ATF2: variants seen among roughly 807,000 people sequenced by gnomAD.
ATF2 encodes cyclic AMP-dependent transcription factor ATF-2.
Under a neutral mutation model 60.6 loss-of-function variants are expected in ATF2, and 24 were observed. The ratio of observed to expected loss-of-function variants is 0.40; its 90% confidence interval spans 0.29 to 0.56. The LOEUF is 0.56. ATF2 is among the 20% of genes least tolerant of loss of function. The pLI is 0.54. For missense variants in ATF2, 433 were observed against 607.7 expected, an observed-to-expected ratio of 0.71 and a Z score of 3.02; for synonymous variants, 206 against 215.4, an observed-to-expected ratio of 0.96 and a Z score of 0.38.
At position 175,074,085 on chromosome 2, in the gene ATF2, C is replaced by CTT. The variant is rs1312168899; in HGVS notation, c.*523_*524insAA. On this transcript the variant is annotated 3_prime_UTR_variant, in exon 14 of 14. Transcript: ENST00000264110. Reference sequence around the variant, plus strand: ...GTGTTCTTTAATGTTTTTCCTTTTGCATAATGTGCAAAATAAAAGGCAAAA... The same window carrying CTT: ...GTGTTCTTTAATGTTTTTCCTTTTGCTTATAATGTGCAAAATAAAAGGCAAAA... The CTT allele has an allele frequency of 6.6e-6, 1 of 152,290 alleles. No individual in the cohort carries two copies. The allele number at this position is 152,290 out of a possible 1,614,324, so 9.4% of individuals were successfully genotyped here.
At chr2:175,167,930 C>A in intron 1 of ATF2, 120 bp downstream of exon 1, 1 of 355,254 alleles carries the variant, frequency 2.8e-6, no homozygotes, top group South Asian at 2.1e-5. Flanking sequence ...GTCAGGAGCA[C>A]CCGAGGTGAT....
chr2:175,077,187 C>T lies in ATF2; in HGVS notation c.1292-2352G>A, dbSNP rs574552804. Among the ~76,000 whole-genome samples, 239 of 152,182 alleles carry T rather than the reference C, an allele frequency of 1.6e-3. 2 individuals are homozygous for T. The highest frequency in any genetic ancestry group is 5.5e-3 in the African/African-American group (229 of 41,512). On this transcript the variant is annotated intron_variant, in intron 13 of 13. Transcript: ENST00000264110. ...GTATATGTGCCACATTTTCTTAATC[C>T]AGTCTATCATTGTTGGACATTTGGG...
chr2:175,162,528 G>GA (rs1345793590), intron 1 of ATF2, among the ~76,000 whole-genome samples: 1 of 152,034 alleles, frequency 6.6e-6, no homozygotes, highest in African/African-American at 2.4e-5. Context: ...ATTCATAAAA[G>GA]AAAAAATGCA....
At chr2:175,125,467 C>T (rs1225521553) in intron 4 of ATF2, among the ~76,000 whole-genome samples, 1 of 151,976 alleles carries the variant, frequency 6.6e-6, no homozygotes, top group East Asian at 1.9e-4. Context: ...AAAAGCATCA[C>T]TATTAGTGAG....
chr2:175,161,545 A>C (rs751786216), intron 1 of ATF2, among the ~76,000 whole-genome samples: 24 of 152,230 alleles, frequency 1.6e-4, no homozygotes, highest in Non-Finnish European at 3.4e-4. Context: ...TAGACCCCTG[A>C]TAATCTGGCT....
intron 4 of ATF2, among the ~76,000 whole-genome samples, chr2:175,126,622 GCAAT>G (rs1407708533): frequency 6.6e-6 from 1 of 152,082 alleles, no homozygotes; most frequent in Non-Finnish European, 1.5e-5. Context: ...CTAATGTTCA[GCAAT>G]CAGTTTTTCT....
At chr2:175,141,476 T>C (rs1451977043) in intron 2 of ATF2, among the ~76,000 whole-genome samples, 1 of 152,126 alleles carries the variant, frequency 6.6e-6, no homozygotes, top group Non-Finnish European at 1.5e-5. Flanking sequence ...AACATAAAAC[T>C]ATAAACATAT....
intron 2 of ATF2, among the ~76,000 whole-genome samples, chr2:175,146,751 C>G (rs1019418962): frequency 2.0e-5 from 3 of 152,156 alleles, no homozygotes; most frequent in Middle Eastern, 3.2e-3. Flanking sequence ...ATTGTCGCTT[C>G]GTCAAGCACA....
At chr2:175,126,260 T>G (rs1697324968) in intron 4 of ATF2, among the ~76,000 whole-genome samples, 1 of 152,212 alleles carries the variant, frequency 6.6e-6, no homozygotes, top group Non-Finnish European at 1.5e-5. Context: ...TTCTTAATCT[T>G]CTGTGCTACA....
intron 11 of ATF2, among the ~76,000 whole-genome samples, chr2:175,095,258 C>CAA (rs1471403866): frequency 6.6e-6 from 1 of 152,032 alleles, no homozygotes; most frequent in Non-Finnish European, 1.5e-5. Flanking sequence ...CCACCACACC[C>CAA]AGCTTAATTT....
In ATF2 at chr2:175,074,566, G is replaced by A. The variant is rs373544668; in HGVS notation, c.*43C>T. ...GGTCTTTCCTTGATTTCCCTTTGAA[G>A]TCACTAATGAGTATCTAAAACTGTT... On this transcript the variant is annotated 3_prime_UTR_variant, in exon 14 of 14. Coordinates refer to ENST00000264110, the MANE Select transcript of ATF2 (RefSeq NM_001880.4). 37 of 1,556,872 alleles carry A rather than the reference G, an allele frequency of 2.4e-5. No individual in the cohort carries two copies. The highest frequency in any genetic ancestry group is 3.1e-5 in the Non-Finnish European group (35 of 1,146,780).
At chr2:175,096,258 T>C (rs1438516497) in intron 11 of ATF2, among the ~76,000 whole-genome samples, 1 of 152,194 alleles carries the variant, frequency 6.6e-6, no homozygotes, top group Admixed American at 6.5e-5. Context: ...TGCAGGCATA[T>C]AACAATATCA....
intron 7 of ATF2, among the ~76,000 whole-genome samples, chr2:175,116,763 T>C (rs1325994702): frequency 6.6e-6 from 1 of 151,530 alleles, no homozygotes; most frequent in African/African-American, 2.4e-5. Flanking sequence ...CCACGAACAA[T>C]GAAAAACTGT....
intron 4 of ATF2, 131 bp downstream of exon 4, chr2:175,130,007 G>T (rs1462293332): frequency 2.9e-6 from 2 of 680,846 alleles, no homozygotes; most frequent in African/African-American, 1.9e-5. Flanking sequence ...AGTTTCCTGG[G>T]TTTTTTTTCA....
intron 11 of ATF2, 111 bp downstream of exon 11, chr2:175,097,333 T>C: frequency 7.0e-7 from 1 of 1,432,044 alleles, no homozygotes; most frequent in Non-Finnish European, 9.4e-7. Flanking sequence ...TTGATACATC[T>C]TTGGAATAAC....
intron 1 of ATF2, among the ~76,000 whole-genome samples, chr2:175,163,179 AT>A (rs1700130920): frequency 3.5e-4 from 1 of 2,846 alleles, no homozygotes; most frequent in East Asian, 0.1. Flanking sequence ...AAATAAATAA[AT>A]AAATGCAAGC....
chr2:175,117,083 T>G lies in ATF2; in HGVS notation c.447+907A>C, dbSNP rs1024027361. 5.3e-5 allele frequency among the ~76,000 whole-genome samples: 8 copies of G among 152,110 alleles called. 1 individual carries two copies. Among genetic ancestry groups the G allele is most frequent in the Admixed American group, 1.3e-4 (2 of 15,248 alleles). On this transcript the variant is annotated intron_variant, in intron 7 of 13. Transcript: ENST00000264110. ...CTATTCACTTATGTATTTGTACCTA[T>G]AAATGTATATATCTAGAAAAAAATG...
At chr2:175,104,578 G>A (rs1471512747) in intron 10 of ATF2, among the ~76,000 whole-genome samples, 1 of 152,036 alleles carries the variant, frequency 6.6e-6, no homozygotes, top group East Asian at 1.9e-4. Flanking sequence ...TGGACTTGGA[G>A]TTCTATCTTT....
At chr2:175,079,027 A>G (rs1402105491) in intron 13 of ATF2, among the ~76,000 whole-genome samples, 5 of 152,260 alleles carry the variant, frequency 3.3e-5, no homozygotes, top group Non-Finnish European at 7.4e-5. Flanking sequence ...TTATATTCTC[A>G]TAACTTAGTA....
Sources: allele counts gnomAD v4.1 joint callset (sites outside exome capture counted in the v4.1 genomes callset), GRCh38; gene constraint gnomAD v4.1.1; transcripts MANE v1.5; gene names NCBI Gene and HGNC (gene_info 2026-07-23, HGNC 2026-07-21).